Variants in TIAM2 observed in about 807,000 individuals in gnomAD.
The protein encoded by TIAM2 is rho guanine nucleotide exchange factor TIAM2.
TIAM2 carries 80 observed loss-of-function variants against 152.9 expected under a neutral mutation model. The observed-to-expected ratio is 0.52, with a 90% CI of 0.44 to 0.63. The LOEUF (loss-of-function observed/expected upper bound fraction) is 0.63, where lower values mean the gene tolerates loss of function less well. Ranked by LOEUF, TIAM2 falls within the 30% of genes least tolerant of loss-of-function variation. The pLI is 0.00. For missense variants in TIAM2, 1,965 were observed against 2,120.1 expected (o/e 0.93, Z 1.44); for synonymous variants, 804 against 838.0 (o/e 0.96, Z 0.70).
chr6:155,023,498 C>T lies in TIAM2; in HGVS notation c.-209+28006C>T, dbSNP rs9371848. On this transcript the variant is annotated intron_variant, in intron 1 of 26. Coordinates refer to ENST00000682666, the MANE Select transcript of TIAM2 (RefSeq NM_012454.4). The stretch of plus-strand genomic sequence containing the variant: ...ATGAGAATGGGATCTAGTGCCTGAC[C>T]GAACTATACCATGTCTGTGCGTTTG... Among the ~76,000 whole-genome samples, 585 of 152,198 alleles carry T rather than the reference C, an allele frequency of 3.8e-3. 17 individuals carry two copies. In the East Asian group the frequency reaches 0.077, roughly 20 times the overall value.
chr6:155,012,351 C>T lies in TIAM2; in HGVS notation c.-209+16859C>T, dbSNP rs1376147737. 5.9e-5 allele frequency among the ~76,000 whole-genome samples: 9 copies of T among 152,182 alleles called. No homozygotes were observed. In the East Asian group the frequency reaches 1.7e-3, roughly 29 times the overall value. On this transcript the variant is annotated intron_variant, in intron 1 of 26. Coordinates refer to ENST00000682666, the MANE Select transcript of TIAM2 (RefSeq NM_012454.4). The stretch of plus-strand genomic sequence containing the variant: ...AATCCTTAACAGTATTTTGATTTTT[C>T]TCACTTTTGAGCTTTTGACTCAATG...
chr6:155,065,031 C>CTGCA (rs1192117776), intron 1 of TIAM2, among the ~76,000 whole-genome samples: 1 of 152,154 alleles, frequency 6.6e-6, no homozygotes, highest in African/African-American at 2.4e-5. Flanking sequence ...TCTCAGCTCA[C>CTGCA]TGCAACCTCC....
intron 5 of TIAM2, among the ~76,000 whole-genome samples, chr6:155,141,526 TG>T (rs1450934317): frequency 6.6e-6 from 1 of 152,192 alleles, no homozygotes; most frequent in African/African-American, 2.4e-5. Context: ...TCTGCCTACC[TG>T]GAATGTATAG....
chr6:155,053,412 C>T (rs1265862038), intron 1 of TIAM2, among the ~76,000 whole-genome samples: 1 of 150,660 alleles, frequency 6.6e-6, no homozygotes, highest in African/African-American at 2.4e-5. Flanking sequence ...GCTTTGGCCT[C>T]CCAAAGACTT....
chr6:155,081,703 A>G (rs1477424972), intron 1 of TIAM2, among the ~76,000 whole-genome samples: 1 of 152,192 alleles, frequency 6.6e-6, no homozygotes, highest in Non-Finnish European at 1.5e-5. Context: ...GTTTGAACAC[A>G]CTGCTTGATA....
chr6:155,028,133 A>G (rs1431254280), intron 1 of TIAM2, among the ~76,000 whole-genome samples: 1 of 103,058 alleles, frequency 9.7e-6, no homozygotes, highest in East Asian at 2.6e-4. Context: ...TATATACTAT[A>G]TATAATATAT....
At chr6:155,242,866 G>C (rs1221686088) in intron 16 of TIAM2, among the ~76,000 whole-genome samples, 2 of 151,560 alleles carry the variant, frequency 1.3e-5, no homozygotes, top group Non-Finnish European at 2.9e-5. Context: ...TTCCTGAGTA[G>C]CTGGGACTAC....
At chr6:155,242,490 T>C (rs1783091193) in intron 16 of TIAM2, among the ~76,000 whole-genome samples, 1 of 152,100 alleles carries the variant, frequency 6.6e-6, no homozygotes, top group Admixed American at 6.6e-5. Context: ...CCAGGGAGGT[T>C]TTTATGGTGA....
intron 15 of TIAM2, among the ~76,000 whole-genome samples, chr6:155,226,808 C>T (rs1419639727): frequency 6.6e-6 from 1 of 152,210 alleles, no homozygotes; most frequent in African/African-American, 2.4e-5. Context: ...AGTCAGAGCC[C>T]GTGCCCCTGT....
intron 16 of TIAM2, among the ~76,000 whole-genome samples, chr6:155,243,175 G>A (rs1198695008): frequency 6.6e-6 from 1 of 152,218 alleles, no homozygotes; most frequent in Non-Finnish European, 1.5e-5. Context: ...CATTAGAGCT[G>A]CAGCTCTGTG....
chr6:155,199,249 T>G (rs1443788087), intron 14 of TIAM2, among the ~76,000 whole-genome samples: 2 of 152,094 alleles, frequency 1.3e-5, no homozygotes, highest in Non-Finnish European at 2.9e-5. Context: ...ATGATTTTTG[T>G]ATTTTTTAAA....
intron 15 of TIAM2, among the ~76,000 whole-genome samples, chr6:155,215,327 T>C (rs1224311263): frequency 6.6e-6 from 1 of 152,178 alleles, no homozygotes; most frequent in Non-Finnish European, 1.5e-5. Flanking sequence ...AGGTTGAAAT[T>C]GGGGCCGTCT....
At chr6:155,106,120 T>G (rs1202438248) in intron 2 of TIAM2, among the ~76,000 whole-genome samples, 2 of 151,996 alleles carry the variant, frequency 1.3e-5, no homozygotes, top group Non-Finnish European at 1.5e-5. Flanking sequence ...TTCTCCTGTC[T>G]CAGCCTCCTG....
At chr6:155,152,415 G>GA (rs1779995793) in intron 7 of TIAM2, among the ~76,000 whole-genome samples, 1 of 152,170 alleles carries the variant, frequency 6.6e-6, no homozygotes, top group Non-Finnish European at 1.5e-5. Context: ...ACAGCCAGGG[G>GA]GCGTTCAGCT....
chr6:155,052,750 G>A (rs536557148), intron 1 of TIAM2, among the ~76,000 whole-genome samples: 23 of 148,970 alleles, frequency 1.5e-4, no homozygotes, highest in African/African-American at 5.0e-4. Context: ...CTAAGCCTGG[G>A]GGACAAGAGC....
At chr6:155,140,224 T>G (rs17085991) in intron 5 of TIAM2, among the ~76,000 whole-genome samples, 4,582 of 152,206 alleles carry the variant, frequency 0.03, 216 homozygotes, top group African/African-American at 0.1. Context: ...TTGCAGGAGA[T>G]TTGTTAGGAA....
chr6:155,101,585 G>A (rs966961588), intron 2 of TIAM2, among the ~76,000 whole-genome samples: 3 of 152,176 alleles, frequency 2.0e-5, no homozygotes, highest in Admixed American at 6.5e-5. Flanking sequence ...TTGGTCAGAT[G>A]TTCTGTCAGA....
At chr6:155,082,466 C>G (rs1169513844) in intron 1 of TIAM2, among the ~76,000 whole-genome samples, 1 of 152,014 alleles carries the variant, frequency 6.6e-6, no homozygotes, top group Non-Finnish European at 1.5e-5. Flanking sequence ...GCTGGACCAA[C>G]ATGGAGAAAT....
intron 14 of TIAM2, among the ~76,000 whole-genome samples, chr6:155,199,146 G>A (rs1471233973): frequency 3.3e-5 from 5 of 151,976 alleles, no homozygotes; most frequent in Non-Finnish European, 5.9e-5. Flanking sequence ...TGCGATCTCG[G>A]TTCACTGCAA....
Sources: allele counts gnomAD v4.1 joint callset (sites outside exome capture counted in the v4.1 genomes callset), GRCh38; gene constraint gnomAD v4.1.1; transcripts MANE v1.5; gene names NCBI Gene and HGNC (gene_info 2026-07-23, HGNC 2026-07-21).